Variants in CACNB2 observed in about 807,000 individuals in gnomAD.
CACNB2 encodes voltage-dependent L-type calcium channel subunit beta-2.
In CACNB2, 42 loss-of-function variants were observed where a neutral mutation model predicts 73.3. That is an observed-to-expected ratio of 0.57 (90% CI 0.45 to 0.74). The LOEUF (loss-of-function observed/expected upper bound fraction) is 0.74. Ranked by LOEUF, CACNB2 falls within the 30% of genes least tolerant of loss-of-function variation. The probability of loss-of-function intolerance (pLI) is 0.00; values close to 1 mark genes in which losing one functional copy is unlikely to be tolerated. For synonymous variants in CACNB2, 348 were observed against 310.3 expected (o/e 1.12, Z -1.28); for missense variants, 940 against 853.0 (o/e 1.10, Z -1.27).
At chr10:18,527,531 A>C (rs2052599726) in intron 9 of CACNB2, 57 bp from the exon 10 acceptor site, 1 of 1,083,350 alleles carries the variant, frequency 9.2e-7, no homozygotes, top group African/African-American at 1.5e-5. Flanking sequence ...ATACACTTCT[A>C]TCCCCTTTGA....
At chr10:18,503,150 A>G (rs1321393645) in intron 5 of CACNB2, among the ~76,000 whole-genome samples, 4 of 152,210 alleles carry the variant, frequency 2.6e-5, no homozygotes, top group Admixed American at 1.3e-4. Context: ...AATGAGAAAA[A>G]AAAGTAAAGA....
chr10:18,147,407 G>A (rs1227490624), intron 1 of CACNB2, among the ~76,000 whole-genome samples: 1 of 151,632 alleles, frequency 6.6e-6, no homozygotes, highest in Non-Finnish European at 1.5e-5. Context: ...TTTTACTGTG[G>A]TGACATAATT....
chr10:18,246,414 A>C (rs954712491), intron 2 of CACNB2, among the ~76,000 whole-genome samples: 1 of 152,132 alleles, frequency 6.6e-6, no homozygotes, highest in African/African-American at 2.4e-5. Flanking sequence ...TTAAAAAAAA[A>C]CATTTTTACA....
intron 2 of CACNB2, among the ~76,000 whole-genome samples, chr10:18,336,858 G>A (rs1441486586): frequency 6.6e-6 from 1 of 152,150 alleles, no homozygotes; most frequent in Non-Finnish European, 1.5e-5. Context: ...TTGGTTGCGT[G>A]TTAGACACTT....
chr10:18,451,720 T>TGG (rs1363473845), intron 3 of CACNB2, among the ~76,000 whole-genome samples: 1 of 152,198 alleles, frequency 6.6e-6, no homozygotes, highest in South Asian at 2.1e-4. Flanking sequence ...GTCACAGCTC[T>TGG]GGGGTATGTC....
At chr10:18,221,368 A>G (rs1322685461) in intron 2 of CACNB2, among the ~76,000 whole-genome samples, 1 of 152,146 alleles carries the variant, frequency 6.6e-6, no homozygotes, top group East Asian at 1.9e-4. Flanking sequence ...AATTCATTAC[A>G]TAGTTCACAA....
At chr10:18,325,068 G>A (rs2040529707) in intron 2 of CACNB2, among the ~76,000 whole-genome samples, 1 of 152,196 alleles carries the variant, frequency 6.6e-6, no homozygotes, top group African/African-American at 2.4e-5. Flanking sequence ...TGGAACAAGG[G>A]ACACCACATT....
intron 2 of CACNB2, among the ~76,000 whole-genome samples, chr10:18,305,455 A>G (rs2084915711): frequency 6.6e-6 from 1 of 152,264 alleles, no homozygotes. Context: ...AACAGAATAC[A>G]GAGAAAATTA....
intron 2 of CACNB2, among the ~76,000 whole-genome samples, chr10:18,303,398 A>T (rs2039603286): frequency 6.6e-6 from 1 of 152,256 alleles, no homozygotes; most frequent in East Asian, 1.9e-4. Flanking sequence ...CCAGCCGCTC[A>T]GGGGGCTGAG....
intron 2 of CACNB2, among the ~76,000 whole-genome samples, chr10:18,209,027 C>G (rs2035213958): frequency 6.6e-6 from 1 of 152,124 alleles, no homozygotes; most frequent in Non-Finnish European, 1.5e-5. Context: ...TGATGCAATG[C>G]AAAACTAATA....
intron 5 of CACNB2, among the ~76,000 whole-genome samples, chr10:18,502,714 A>AAAAAACC (rs2050272566): frequency 1.6e-5 from 1 of 61,102 alleles, no homozygotes; most frequent in Non-Finnish European, 3.6e-5. Context: ...AAAAAAAAAA[A>AAAAAACC]AAAAAAAAAA....
chr10:18,498,663 A>G, intron 4 of CACNB2, 186 bp downstream of exon 4: 1 of 631,264 alleles, frequency 1.6e-6, no homozygotes, highest in Non-Finnish European at 2.7e-6. Context: ...AGTGGAAAGA[A>G]GTCACAGGCC....
intron 2 of CACNB2, among the ~76,000 whole-genome samples, chr10:18,371,364 G>T (rs538935616): frequency 6.6e-6 from 1 of 151,258 alleles, no homozygotes; most frequent in Non-Finnish European, 1.5e-5. Flanking sequence ...CCCTTTCCCC[G>T]ACCCCACAAC....
chr10:18,207,689 T>C (rs951642991), intron 2 of CACNB2, among the ~76,000 whole-genome samples: 1 of 152,244 alleles, frequency 6.6e-6, no homozygotes, highest in Admixed American at 6.5e-5. Context: ...TTTTGTTCTT[T>C]CTTTTCAAAT....
intron 12 of CACNB2, among the ~76,000 whole-genome samples, chr10:18,537,845 A>T (rs1244048729): frequency 6.6e-6 from 1 of 152,124 alleles, no homozygotes; most frequent in African/African-American, 2.4e-5. Flanking sequence ...ATTCTATTCT[A>T]TTCTGTTCAA....
intron 2 of CACNB2, among the ~76,000 whole-genome samples, chr10:18,365,623 G>T (rs1042003960): frequency 2.2e-5 from 3 of 139,242 alleles, no homozygotes; most frequent in Non-Finnish European, 3.1e-5. Context: ...GTTTGGCAAG[G>T]TTATTGTTAT....
In CACNB2 at chr10:18,150,900, C is replaced by T. The variant is rs547744328; in HGVS notation, c.138C>T (p.Ala46=). The T allele has an allele frequency of 1.5e-5, 16 of 1,099,834 alleles. 1 individual carries two copies. In the African/African-American group the frequency reaches 2.9e-4, roughly 20 times the overall value. The allele number at this position is 1,099,834 out of a possible 1,614,324, so 68.1% of individuals were successfully genotyped here. ...GAAAQSYGKG[A]RRKNRFKGSD... is the part of the protein sequence containing the mutation. ...TTTTTTAGTCATATGGAAAAGGAGC[C>T]AGAAGGAAAAACAGATTTAAAGGAT... Residue 46 remains alanine, a synonymous_variant, in exon 2 of 14, where the codon GCC becomes GCT. Transcript: ENST00000324631.
Position 18,163,035 on chromosome 10 carries a change from C to T in CACNB2, c.213+12060C>T, listed in dbSNP as rs148505341. ...AAGGGCACCAGGCCATGAAGGACCT[C>T]CAAGACAGGATATATATGAAGCAGT... On this transcript the variant is annotated intron_variant, in intron 2 of 13. Coordinates refer to ENST00000324631, the MANE Select transcript of CACNB2 (RefSeq NM_201596.3). 3.6e-4 allele frequency among the ~76,000 whole-genome samples: 55 copies of T among 152,128 alleles called. 1 individual carries two copies. The East Asian group carries it at 8.1e-3, about 23-fold the overall frequency.
chr10:18,249,231 G>C (rs1047869727), intron 2 of CACNB2, among the ~76,000 whole-genome samples: 2 of 152,098 alleles, frequency 1.3e-5, no homozygotes, highest in African/African-American at 4.8e-5. Flanking sequence ...TGCGACAGTG[G>C]GTGAACCAAC....
Sources: allele counts gnomAD v4.1 joint callset (sites outside exome capture counted in the v4.1 genomes callset), GRCh38; gene constraint gnomAD v4.1.1; transcripts MANE v1.5; gene names NCBI Gene and HGNC (gene_info 2026-07-23, HGNC 2026-07-21).